The following ANK3 variants were observed in gnomAD, a reference collection of about 807,000 sequenced individuals.
ANK3 encodes the protein ankyrin 3, also known as ankyrin-3.
In ANK3, 57 loss-of-function variants were observed where a neutral mutation model predicts 370.9. The observed-to-expected ratio is 0.15, with a 90% CI of 0.12 to 0.19. ANK3 has a LOEUF of 0.19. Among genes scored for constraint, ANK3 ranks in the 10% least tolerant of loss-of-function variants. ANK3 has a pLI of 1.00. For missense variants in ANK3, 4,439 were observed against 5,302.1 expected, an observed-to-expected ratio of 0.84 and a Z score of 5.06; for synonymous variants, 1,929 against 1,946.3, an observed-to-expected ratio of 0.99 and a Z score of 0.23.
chr10:60,377,307 G>A (rs1594761074), intron 1 of ANK3, among the ~76,000 whole-genome samples: 1 of 152,276 alleles, frequency 6.6e-6, no homozygotes, highest in Non-Finnish European at 1.5e-5. Flanking sequence ...TTTAAAAACT[G>A]GACATTTCAA....
chr10:60,192,428 A>G (rs2096502051), intron 16 of ANK3, among the ~76,000 whole-genome samples: 1 of 150,588 alleles, frequency 6.6e-6, no homozygotes, highest in Non-Finnish European at 1.5e-5. Context: ...ATAATTATAT[A>G]TAATTATAAT....
At chr10:60,368,439 C>CG (rs1389962284) in intron 1 of ANK3, among the ~76,000 whole-genome samples, 1 of 151,986 alleles carries the variant, frequency 6.6e-6, no homozygotes, top group Non-Finnish European at 1.5e-5. Flanking sequence ...AAACTCAGTG[C>CG]GGGGGGTGTA....
chr10:60,614,864 G>T (rs186927802), intron 2 of ANK3, among the ~76,000 whole-genome samples: 3 of 152,054 alleles, frequency 2.0e-5, no homozygotes, highest in Admixed American at 6.6e-5. Flanking sequence ...TCTCCAGGGG[G>T]TCTTGGTTAC....
chr10:60,580,789 C>T (rs1357502468), intron 2 of ANK3, among the ~76,000 whole-genome samples: 1 of 152,102 alleles, frequency 6.6e-6, no homozygotes, highest in East Asian at 1.9e-4. Context: ...GAAAAGAACA[C>T]CTTCGCAGGG....
chr10:60,641,368 C>T (rs1225083862), intron 1 of ANK3, among the ~76,000 whole-genome samples: 146 of 152,106 alleles, frequency 9.6e-4, no homozygotes, highest in South Asian at 9.4e-3. Flanking sequence ...TCACGCTACC[C>T]GACTTCAAAC....
At chr10:60,225,703 C>CT (rs1470243060) in intron 8 of ANK3, among the ~76,000 whole-genome samples, 1 of 151,876 alleles carries the variant, frequency 6.6e-6, no homozygotes, top group Non-Finnish European at 1.5e-5. Context: ...AGGTAAAATC[C>CT]TTTTGTGTCC....
At chr10:60,250,656 C>T (rs1042194290) in intron 7 of ANK3, among the ~76,000 whole-genome samples, 9 of 152,182 alleles carry the variant, frequency 5.9e-5, no homozygotes, top group South Asian at 2.1e-4. Flanking sequence ...TGAGCCACCG[C>T]ACCCGGCCTG....
At chr10:60,143,098 A>G (rs531540971) in intron 23 of ANK3, among the ~76,000 whole-genome samples, 1 of 152,312 alleles carries the variant, frequency 6.6e-6, no homozygotes, top group African/African-American at 2.4e-5. Flanking sequence ...ATCTGAATGC[A>G]TGAACTCAAA....
Position 60,302,508 on chromosome 10 carries a change from G to A in ANK3, c.115-22869C>T, listed in dbSNP as rs370804374. ...TAATTTCTTTACATACATTATTTTA[G>A]TTCTCACAGCTATGTTGTGAAGCAA... is the stretch of plus-strand genomic sequence containing the variant. On this transcript the variant is annotated intron_variant, in intron 1 of 43. Coordinates refer to ENST00000280772, the MANE Select transcript of ANK3 (RefSeq NM_020987.5). Among the ~76,000 whole-genome samples the A allele has an allele frequency of 5.9e-5, 9 of 152,100 alleles. No individual in the cohort carries two copies. The South Asian group carries it at 1.9e-3, about 32-fold the overall frequency.
chr10:60,172,428 G>C, intron 20 of ANK3, 25 bp from the exon 21 acceptor site: 1 of 1,595,830 alleles, frequency 6.3e-7, no homozygotes, highest in Non-Finnish European at 8.6e-7. Flanking sequence ...ATGTGAGTGA[G>C]GAATTAGCAA....
chr10:60,506,909 GA>G (rs907319662), intron 2 of ANK3, among the ~76,000 whole-genome samples: 1 of 151,880 alleles, frequency 6.6e-6, no homozygotes, highest in Non-Finnish European at 1.5e-5. Flanking sequence ...TACTACGTGG[GA>G]AAAATATTTT....
At position 60,073,782 on chromosome 10, in the gene ANK3, G is replaced by A. The variant is rs760912208; in HGVS notation, c.7099C>T (p.Arg2367Trp). ...AAATCTTTTAGGTTAATATCTCCCC[G>A]GGATAAGTCTTTCTGATATACATAC... ...EMYVYQKDLS[R>W]GDINLKDFLP... is the part of the protein sequence containing the mutation. Residue 2367 changes from arginine (R) to tryptophan (W), a missense_variant, in exon 37 of 44, where the codon CGG (arginine) becomes TGG (tryptophan). Arg to Trp is a moderately radical substitution (Grantham distance 101). Coordinates refer to ENST00000280772, the MANE Select transcript of ANK3 (RefSeq NM_020987.5). 13 of 1,613,400 alleles carry A rather than the reference G, an allele frequency of 8.1e-6. No individual in the cohort carries two copies. Among genetic ancestry groups the A allele is most frequent in the African/African-American group, 5.3e-5 (4 of 74,824 alleles).
At chr10:60,216,802 C>G (rs973416600) in intron 8 of ANK3, among the ~76,000 whole-genome samples, 1 of 152,082 alleles carries the variant, frequency 6.6e-6, no homozygotes, top group Non-Finnish European at 1.5e-5. Flanking sequence ...GGAGGAGTCC[C>G]TCCTTTTTAA....
chr10:60,213,763 A>G (rs556363671), intron 8 of ANK3, among the ~76,000 whole-genome samples: 1 of 152,310 alleles, frequency 6.6e-6, no homozygotes, highest in South Asian at 2.1e-4. Context: ...CTTTTCCACT[A>G]GTCTTTTGAA....
At chr10:60,348,347 C>CAAAAAAAAAAAAAAAAAAAA (rs35147179) in intron 1 of ANK3, among the ~76,000 whole-genome samples, 5 of 68,166 alleles carry the variant, frequency 7.3e-5, no homozygotes, top group African/African-American at 1.3e-4. Context: ...TATCACTAGC[C>CAAAAAAAAAAAAAAAAAAAA]AAAAAAAAAA....
rs763122489 is a variant in ANK3, at chr10:60,074,673, G to A, written c.6208C>T (p.Pro2070Ser). ...GEERQKRVLKPAIALQEHKLK... is the reference protein window; with the variant it reads ...GEERQKRVLKSAIALQEHKLK... ...TTGTGTTCCTGCAAAGCAATTGCTG[G>A]TTTTAAAACTCTTTTCTGTCTCTCC... The change falls in exon 37 of 44, where the codon CCA becomes TCA. Residue 2070 changes from proline (P) to serine (S), a missense_variant. Pro to Ser is a moderately conservative substitution (Grantham distance 74). This residue lies in a region of ANK3 where 679 missense variants were observed against 791.0 expected (regional missense o/e 0.86). Transcript: ENST00000280772. 2 of 1,613,462 alleles carry A rather than the reference G, an allele frequency of 1.2e-6. No individual in the cohort carries two copies. Among genetic ancestry groups the A allele is most frequent in the Non-Finnish European group, 1.7e-6 (2 of 1,179,836 alleles).
intron 2 of ANK3, among the ~76,000 whole-genome samples, chr10:60,496,832 T>C (rs1595147585): frequency 6.6e-6 from 1 of 151,640 alleles, no homozygotes; most frequent in South Asian, 2.1e-4. Flanking sequence ...CAGAGGCAGG[T>C]GGGAGAATAG....
chr10:60,232,187 T>C (rs2097256014), intron 8 of ANK3, among the ~76,000 whole-genome samples: 1 of 152,176 alleles, frequency 6.6e-6, no homozygotes, highest in African/African-American at 2.4e-5. Context: ...GAAAAATGAC[T>C]GACAAATCAT....
chr10:60,676,993 CCACATGTAT>C (rs1393530447), intron 1 of ANK3, among the ~76,000 whole-genome samples: 1 of 152,156 alleles, frequency 6.6e-6, no homozygotes. Context: ...TATCAAAATA[CCACATGTAT>C]CACATATGTA....
Sources: allele counts gnomAD v4.1 joint callset (sites outside exome capture counted in the v4.1 genomes callset), GRCh38; gene constraint gnomAD v4.1.1; regional missense constraint gnomAD v4.1.1; transcripts MANE v1.5; gene names NCBI Gene and HGNC (gene_info 2026-07-23, HGNC 2026-07-21).